SPG11: variants seen among roughly 807,000 people sequenced by gnomAD.
SPG11 encodes SPG11 vesicle trafficking associated, spatacsin.
A neutral mutation model predicts 274.0 loss-of-function variants in SPG11; 222 were observed. The ratio of observed to expected loss-of-function variants is 0.81; its 90% CI spans 0.73 to 0.91. The LOEUF (loss-of-function observed/expected upper bound fraction) is 0.91. Among genes scored for constraint, SPG11 ranks in the 40% least tolerant of loss-of-function variants. The pLI, the probability that SPG11 is intolerant of heterozygous loss-of-function variation, is 0.00. For synonymous variants in SPG11, 1,144 were observed against 1,039.7 expected, an observed-to-expected ratio of 1.10 and a Z score of -1.93; for missense variants, 3,114 against 2,872.7, an observed-to-expected ratio of 1.08 and a Z score of -1.92.
At position 44,615,524 on chromosome 15, in the gene SPG11, G is replaced by T. The variant is rs786204176; in HGVS notation, c.2877C>A (p.Cys959Ter). Reference protein sequence around the residue: ...FLASELEDFECFLLRLSRIGG... With the variant: ...FLASELEDFE ...CAATACGGCTCAGTCTTAGGAGGAA[G>T]CATTCAAAGTCTTCCAGTTCAGATG... The change falls in exon 16 of 40, where the codon TGC becomes TGA. Residue 959 changes from cysteine to a stop codon, truncating the protein, a stop_gained. Coordinates refer to ENST00000261866, the MANE Select transcript of SPG11 (RefSeq NM_025137.4). LOFTEE classifies it high-confidence loss of function. 1 of 1,614,112 alleles carries T rather than the reference G, an allele frequency of 6.2e-7. No homozygotes were observed. Among genetic ancestry groups the T allele is most frequent in the South Asian group, 1.1e-5 (1 of 91,086 alleles).
rs988355401 is a variant in SPG11 at position 44,603,053 on chromosome 15, AT to A, written c.3521-2422del. On this transcript the variant is annotated intron_variant, in intron 20 of 39. Coordinates refer to ENST00000261866, the MANE Select transcript of SPG11 (RefSeq NM_025137.4). The stretch of plus-strand genomic sequence containing the variant: ...TCACTGTACCTTTCTCCAACAGGCA[AT>A]TTTTTTTTTTTTTTTTTTTGGACAC... 7.3e-3 allele frequency among the ~76,000 whole-genome samples: 957 copies of A among 131,252 alleles called. 4 individuals carry two copies. The highest frequency in any genetic ancestry group is 9.6e-3 in the African/African-American group (333 of 34,650). 86.1% of individuals were successfully genotyped at this position (131,252 alleles called of 152,430 possible).
At chr15:44,603,153 C>T (rs1302610970) in intron 20 of SPG11, among the ~76,000 whole-genome samples, 2 of 151,078 alleles carry the variant, frequency 1.3e-5, no homozygotes, top group Non-Finnish European at 2.9e-5. Flanking sequence ...TTCCTTAACT[C>T]AAGCAATCCT....
intron 35 of SPG11, among the ~76,000 whole-genome samples, chr15:44,568,252 G>T (rs1206239078): frequency 6.6e-6 from 1 of 152,152 alleles, no homozygotes; most frequent in East Asian, 1.9e-4. Flanking sequence ...TTTGTAATCA[G>T]GAAAAAGTTA....
intron 30 of SPG11, among the ~76,000 whole-genome samples, chr15:44,578,892 A>C (rs1360517035): frequency 6.6e-6 from 1 of 152,246 alleles, no homozygotes; most frequent in African/African-American, 2.4e-5. Flanking sequence ...GTGGCGGCTC[A>C]TGCCTGTAAT....
chr15:44,649,536 A>T (rs903324345), intron 6 of SPG11, among the ~76,000 whole-genome samples: 1 of 152,160 alleles, frequency 6.6e-6, no homozygotes, highest in Non-Finnish European at 1.5e-5. Flanking sequence ...CCACCAAGAA[A>T]ATTTGTCTTT....
intron 28 of SPG11, among the ~76,000 whole-genome samples, chr15:44,586,329 T>G (rs1472970210): frequency 6.6e-6 from 1 of 152,142 alleles, no homozygotes; most frequent in Non-Finnish European, 1.5e-5. Context: ...TGACTGAACT[T>G]GCTTGTCATA....
intron 7 of SPG11, among the ~76,000 whole-genome samples, chr15:44,635,345 C>T (rs1174345201): frequency 2.6e-5 from 4 of 151,842 alleles, no homozygotes; most frequent in African/African-American, 4.8e-5. Context: ...GAGGCTGAGG[C>T]GAGAAGACTG....
At chr15:44,628,629 A>C in intron 10 of SPG11, 40 bp downstream of exon 10, 1 of 1,553,612 alleles carries the variant, frequency 6.4e-7, no homozygotes, top group Non-Finnish European at 8.9e-7. Flanking sequence ...AGACCTTCTG[A>C]ATCTGGCAAA....
At chr15:44,567,719 A>G (rs1461786349) in intron 35 of SPG11, 127 bp from the exon 36 acceptor site, 1 of 960,036 alleles carries the variant, frequency 1.0e-6, no homozygotes, top group African/African-American at 1.6e-5. Flanking sequence ...AAATGAGAAT[A>G]AATACAAGTT....
intron 28 of SPG11, chr15:44,588,731 T>TG (rs1349325534): frequency 2.2e-5 from 8 of 366,954 alleles, no homozygotes; most frequent in African/African-American, 1.7e-4. Context: ...GACCAACCTT[T>TG]GATCAACCGC....
intron 1 of SPG11, among the ~76,000 whole-genome samples, chr15:44,662,050 G>A (rs958574727): frequency 6.6e-6 from 1 of 151,956 alleles, no homozygotes; most frequent in Admixed American, 6.6e-5. Flanking sequence ...TAAAGATTTC[G>A]GCTTTTCTTT....
intron 7 of SPG11, among the ~76,000 whole-genome samples, chr15:44,637,263 C>G (rs2084306086): frequency 6.6e-6 from 1 of 152,132 alleles, no homozygotes; most frequent in Admixed American, 6.6e-5. Context: ...TGTCAACAGT[C>G]TAACTACTTC....
intron 3 of SPG11, among the ~76,000 whole-genome samples, chr15:44,658,807 T>A (rs112245168): frequency 2.0e-5 from 3 of 152,254 alleles, no homozygotes; most frequent in African/African-American, 7.2e-5. Context: ...AATAAACAGG[T>A]AATGCAGAGA....
At chr15:44,566,108 G>C in intron 37 of SPG11, 99 bp from the exon 38 acceptor site, 1 of 1,584,306 alleles carries the variant, frequency 6.3e-7, no homozygotes, top group Non-Finnish European at 8.6e-7. Context: ...TTCCTGGTTG[G>C]CCTATGATGC....
intron 17 of SPG11, among the ~76,000 whole-genome samples, chr15:44,611,569 C>T (rs1032449959): frequency 2.6e-5 from 4 of 152,178 alleles, no homozygotes; most frequent in Non-Finnish European, 5.9e-5. Context: ...TCCGGTCCTA[C>T]AGCAAGAACC....
chr15:44,642,005 A>G (rs2084464451), intron 7 of SPG11, among the ~76,000 whole-genome samples: 1 of 151,888 alleles, frequency 6.6e-6, no homozygotes, highest in Non-Finnish European at 1.5e-5. Context: ...CAGAGGTGAA[A>G]CTGAATGAAC....
intron 1 of SPG11, among the ~76,000 whole-genome samples, chr15:44,661,807 C>T (rs967282351): frequency 1.3e-5 from 2 of 152,010 alleles, no homozygotes; most frequent in African/African-American, 4.8e-5. Flanking sequence ...GTAATTTCAA[C>T]AATATTAAAA....
rs1247317503 is a variant in SPG11, at chr15:44,584,253, G to T, written c.5427C>A (p.His1809Gln). 1.9e-6 allele frequency: 3 copies of T among 1,614,190 alleles called. No homozygotes were observed. In the African/African-American group the frequency reaches 4.0e-5, roughly 22 times the overall value. The part of the protein sequence containing the change: ...KQIWLCRITQ[H>Q]TLGRNQEETE... The stretch of plus-strand genomic sequence containing the variant: ...TTTCCTCCTGATTTCTTCCAAGAGT[G>T]TGCTGGGTGATGCGGCACAGCCAGA... Residue 1809 changes from histidine to glutamine, a missense_variant, in exon 30 of 40, where the codon CAC becomes CAA. His to Gln is a conservative substitution (Grantham distance 24). Transcript: ENST00000261866.
intron 19 of SPG11, 197 bp from the exon 20 acceptor site, chr15:44,606,288 C>A: frequency 3.8e-6 from 2 of 527,914 alleles, no homozygotes; most frequent in Non-Finnish European, 6.8e-6. Context: ...TTAATTAAAA[C>A]AGAACTGGCT....
Sources: gnomAD v4.1 joint callset for allele counts (sites outside exome capture counted in the v4.1 genomes callset) on GRCh38, gnomAD v4.1.1 for gene constraint, MANE v1.5 for transcripts, NCBI Gene and HGNC (gene_info 2026-07-23, HGNC 2026-07-21) for gene names.